MLIP: variants seen among roughly 807,000 people sequenced by gnomAD.
MLIP encodes muscular LMNA interacting protein, also known as muscular LMNA-interacting protein.
MLIP carries 79 observed loss-of-function variants against 84.8 expected under a neutral mutation model. The observed-to-expected ratio is 0.93, with a 90% CI of 0.78 to 1.12. The LOEUF (loss-of-function observed/expected upper bound fraction) is 1.12, where lower values mean the gene tolerates loss of function less well. Ranked by LOEUF, MLIP falls within the 50% of genes most tolerant of loss-of-function variation. The probability of loss-of-function intolerance (pLI) is 0.00; values close to 1 mark genes in which losing one functional copy is unlikely to be tolerated. For missense variants in MLIP, 1,257 were observed against 1,160.6 expected (o/e 1.08, Z -1.21); for synonymous variants, 504 against 463.0 (o/e 1.09, Z -1.14).
chr6:54,094,051 A>G (rs1768043219), intron 1 of MLIP, among the ~76,000 whole-genome samples: 1 of 152,204 alleles, frequency 6.6e-6, no homozygotes, highest in African/African-American at 2.4e-5. Flanking sequence ...TAAGAATTAC[A>G]ATTATTATGT....
chr6:54,124,740 T>C lies in MLIP; in HGVS notation c.520T>C (p.Ser174Pro), dbSNP rs1315958255. Residue 174 changes from serine (S) to proline (P), a missense_variant, in exon 3 of 14, where the codon TCT (serine) becomes CCT (proline). Coordinates refer to ENST00000502396, the MANE Select transcript of MLIP (RefSeq NM_001281747.2). ...TGGCACCGCAGCTGTCCGGCCCAAG[T>C]CTCTAGCTATCTCGTCCAGTCTGGT... is the stretch of plus-strand genomic sequence containing the variant. ...GIGTAAVRPK[S>P]LAISSSLVSD... The C allele has an allele frequency of 6.2e-7, 1 of 1,614,126 alleles. No individual in the cohort carries two copies.
chr6:54,122,584 T>A (rs665640), intron 2 of MLIP, among the ~76,000 whole-genome samples: 58,674 of 152,050 alleles, frequency 0.39, 11,602 homozygotes, highest in Admixed American at 0.47. Context: ...GAAAACATCT[T>A]ATCTAGAAAA....
intron 1 of MLIP, among the ~76,000 whole-genome samples, chr6:54,096,464 C>A (rs1768219940): frequency 6.6e-6 from 1 of 151,834 alleles, no homozygotes; most frequent in Non-Finnish European, 1.5e-5. Flanking sequence ...CAACTGTCAC[C>A]TCCTTCAGGG....
chr6:54,181,861 G>A (rs1277315957), intron 9 of MLIP, among the ~76,000 whole-genome samples: 1 of 152,210 alleles, frequency 6.6e-6, no homozygotes, highest in Non-Finnish European at 1.5e-5. Context: ...CTATCCAATT[G>A]TGGATGAGCT....
At chr6:54,051,343 A>G (rs1316981641) in intron 1 of MLIP, among the ~76,000 whole-genome samples, 1 of 152,072 alleles carries the variant, frequency 6.6e-6, no homozygotes, top group Admixed American at 6.6e-5. Context: ...TAATTTAAAT[A>G]TGCCACTTCA....
chr6:54,216,607 CT>C (rs1301883630), intron 11 of MLIP: 3 of 971,690 alleles, frequency 3.1e-6, no homozygotes, highest in South Asian at 4.8e-5. Context: ...TATTAAAAAT[CT>C]TTTTTTATAT....
chr6:54,200,141 C>T (rs147824730), intron 10 of MLIP, among the ~76,000 whole-genome samples: 124 of 152,260 alleles, frequency 8.1e-4, no homozygotes, highest in African/African-American at 2.6e-3. Context: ...AAGAGTCTCT[C>T]TTCTGATGTC....
chr6:54,265,918 T>G (rs760981198), intron 13 of MLIP, 32 bp from the exon 14 acceptor site: 7 of 1,602,374 alleles, frequency 4.4e-6, no homozygotes, highest in Non-Finnish European at 5.1e-6. Context: ...TTATTCATCT[T>G]AACCTGACTA....
At chr6:54,124,348 T>G in intron 2 of MLIP, 125 bp from the exon 3 acceptor site, 7 of 932,274 alleles carry the variant, frequency 7.5e-6, no homozygotes, top group Non-Finnish European at 1.1e-5. Flanking sequence ...AATCTCTTTC[T>G]TATGTCAACC....
At chr6:54,072,549 T>G (rs978394908) in intron 1 of MLIP, among the ~76,000 whole-genome samples, 3 of 152,176 alleles carry the variant, frequency 2.0e-5, no homozygotes, top group Non-Finnish European at 4.4e-5. Flanking sequence ...AGAATGACAC[T>G]ATTATAGTTC....
intron 11 of MLIP, chr6:54,217,399 A>G (rs578066351): frequency 1.6e-5 from 16 of 985,440 alleles, no homozygotes; most frequent in Non-Finnish European, 1.9e-5. Flanking sequence ...GTATGATTTG[A>G]TGGTTGAGTA....
At chr6:54,171,853 C>T (rs1280668568) in intron 9 of MLIP, among the ~76,000 whole-genome samples, 1 of 151,308 alleles carries the variant, frequency 6.6e-6, no homozygotes, top group South Asian at 2.1e-4. Flanking sequence ...CCCATGAAAA[C>T]TAAAAAGCAA....
At chr6:54,091,839 T>C (rs1171537209) in intron 1 of MLIP, among the ~76,000 whole-genome samples, 1 of 152,204 alleles carries the variant, frequency 6.6e-6, no homozygotes, top group African/African-American at 2.4e-5. Flanking sequence ...ATTTAAACAT[T>C]CTTATTTACT....
intron 11 of MLIP, among the ~76,000 whole-genome samples, chr6:54,212,816 TAA>T (rs1779556375): frequency 1.3e-5 from 2 of 152,266 alleles, no homozygotes. Context: ...AAAAGATGAT[TAA>T]ATACACACAC....
chr6:54,252,020 A>AATATATATATTATAACATATAATATAT (rs1782606881), intron 12 of MLIP, among the ~76,000 whole-genome samples: 1 of 91,324 alleles, frequency 1.1e-5, no homozygotes, highest in African/African-American at 4.9e-5. Flanking sequence ...ATATAATATA[A>AATATATATATTATAACATATAATATAT]ATATATATAT....
intron 9 of MLIP, among the ~76,000 whole-genome samples, chr6:54,183,150 T>C (rs1777052080): frequency 6.6e-6 from 1 of 152,172 alleles, no homozygotes; most frequent in Non-Finnish European, 1.5e-5. Context: ...ACTCTTCTTG[T>C]TGTTATGCTT....
At chr6:54,255,891 A>T (rs1394860706) in intron 12 of MLIP, among the ~76,000 whole-genome samples, 1 of 152,120 alleles carries the variant, frequency 6.6e-6, no homozygotes. Flanking sequence ...GTACTACTTA[A>T]CCTACTTATA....
chr6:54,129,378 ATACTGTGGG>A (rs1035918261), intron 3 of MLIP, among the ~76,000 whole-genome samples: 1 of 152,172 alleles, frequency 6.6e-6, no homozygotes, highest in African/African-American at 2.4e-5. Flanking sequence ...AATGCCTGGA[ATACTGTGGG>A]TGCTTAAAAA....
chr6:54,137,964 C>G lies in MLIP; in HGVS notation c.1895C>G (p.Ser632Cys), dbSNP rs781562305. 116 of 1,536,130 alleles carry G rather than the reference C, an allele frequency of 7.6e-5. No homozygotes were observed. The African/African-American group carries it at 1.4e-3, about 19-fold the overall frequency. The change falls in exon 4 of 14, where the codon TCT becomes TGT. Residue 632 changes from serine to cysteine, a missense_variant. Coordinates refer to ENST00000502396, the MANE Select transcript of MLIP (RefSeq NM_001281747.2). ...NRSKRASSQL[S>C]GQELNPSALP... is the part of the protein sequence containing the mutation. ...TCTAAAAGAGCATCATCCCAACTAT[C>G]TGGCCAGGAGCTGAATCCTTCAGCT...
Sources: allele counts gnomAD v4.1 joint callset (sites outside exome capture counted in the v4.1 genomes callset), GRCh38; gene constraint gnomAD v4.1.1; transcripts MANE v1.5; gene names NCBI Gene and HGNC (gene_info 2026-07-23, HGNC 2026-07-21).